Variants in LGR6 observed in about 807,000 individuals in gnomAD.
LGR6 encodes leucine rich repeat containing G protein-coupled receptor 6.
A neutral mutation model predicts 69.4 loss-of-function variants in LGR6; 45 were observed. That is an observed-to-expected ratio of 0.65 (90% CI 0.51 to 0.83). The LOEUF is 0.83. Among genes scored for constraint, LGR6 ranks in the 40% least tolerant of loss-of-function variants. The pLI, the probability that LGR6 is intolerant of heterozygous loss-of-function variation, is 0.00. For missense variants in LGR6, 1,108 were observed against 1,246.7 expected (o/e 0.89, Z 1.68); for synonymous variants, 538 against 555.0 (o/e 0.97, Z 0.43).
chr1:202,259,324 A>G (rs949204635), intron 4 of LGR6, among the ~76,000 whole-genome samples: 1 of 152,186 alleles, frequency 6.6e-6, no homozygotes, highest in African/African-American at 2.4e-5. Context: ...GGAACAATTT[A>G]TAGAGCATGA....
intron 1 of LGR6, among the ~76,000 whole-genome samples, chr1:202,197,711 A>G (rs546882377): frequency 1.1e-4 from 16 of 152,114 alleles, no homozygotes; most frequent in African/African-American, 3.6e-4. Context: ...CAATTGTCAC[A>G]CTTCTTAACT....
chr1:202,300,831 C>T lies in LGR6; in HGVS notation c.786-18C>T. The T allele has an allele frequency of 6.3e-7, 1 of 1,593,246 alleles. No individual in the cohort carries two copies. The highest frequency in any genetic ancestry group is 8.6e-7 in the Non-Finnish European group (1 of 1,168,518). Reference sequence around the variant, plus strand: ...ACCTTTCTCCAAATCCTCACTGGTTCCTGGTGTTGTCTTCCAGGGGGTTCC... The same window carrying T: ...ACCTTTCTCCAAATCCTCACTGGTTTCTGGTGTTGTCTTCCAGGGGGTTCC... On this transcript the variant is annotated intron_variant, in intron 7 of 17. Coordinates refer to ENST00000367278, the MANE Select transcript of LGR6 (RefSeq NM_001017403.2).
intron 6 of LGR6, among the ~76,000 whole-genome samples, chr1:202,285,012 GCT>G (rs970767614): frequency 5.3e-5 from 8 of 152,224 alleles, no homozygotes; most frequent in Non-Finnish European, 1.0e-4. Context: ...TCTGGCCCCA[GCT>G]CTCTCTCTAA....
chr1:202,219,058 A>G (rs572727812), intron 1 of LGR6, among the ~76,000 whole-genome samples: 1 of 152,188 alleles, frequency 6.6e-6, no homozygotes, highest in Non-Finnish European at 1.5e-5. Context: ...GCATTCGTCT[A>G]ATGGAACCAG....
intron 1 of LGR6, among the ~76,000 whole-genome samples, chr1:202,221,732 C>T (rs1653428399): frequency 6.6e-6 from 1 of 152,216 alleles, no homozygotes; most frequent in Admixed American, 6.5e-5. Flanking sequence ...CCCAGCTATC[C>T]CATCCCATGA....
At chr1:202,283,215 C>T (rs906308273) in intron 6 of LGR6, among the ~76,000 whole-genome samples, 1 of 152,138 alleles carries the variant, frequency 6.6e-6, no homozygotes, top group South Asian at 2.1e-4. Context: ...CTCAACAATA[C>T]CCCCTTCTTC....
At chr1:202,282,472 G>A (rs1005654455) in intron 6 of LGR6, among the ~76,000 whole-genome samples, 1 of 152,136 alleles carries the variant, frequency 6.6e-6, no homozygotes, top group Non-Finnish European at 1.5e-5. Context: ...CAGCTGTTTG[G>A]GGGAATCCTA....
At chr1:202,262,916 A>G (rs952581821) in intron 4 of LGR6, among the ~76,000 whole-genome samples, 15 of 150,844 alleles carry the variant, frequency 9.9e-5, no homozygotes, top group African/African-American at 3.7e-4. Context: ...TTACACTTCA[A>G]TTTGTCTTTG....
intron 1 of LGR6, among the ~76,000 whole-genome samples, chr1:202,215,366 G>A (rs185842762): frequency 6.6e-6 from 1 of 152,146 alleles, no homozygotes; most frequent in African/African-American, 2.4e-5. Context: ...GGATTTCCAT[G>A]CGAGGAGGGA....
At chr1:202,264,998 G>A (rs780384768) in intron 4 of LGR6, among the ~76,000 whole-genome samples, 1 of 152,164 alleles carries the variant, frequency 6.6e-6, no homozygotes, top group Non-Finnish European at 1.5e-5. Context: ...TTGAGAGGCT[G>A]ACAGTGAGGG....
chr1:202,266,220 A>G (rs976630278), intron 4 of LGR6, among the ~76,000 whole-genome samples: 1 of 151,850 alleles, frequency 6.6e-6, no homozygotes, highest in East Asian at 1.9e-4. Context: ...GGGGTTGGCT[A>G]CTCTGTGCCT....
At chr1:202,205,695 C>T (rs1253529920) in intron 1 of LGR6, among the ~76,000 whole-genome samples, 1 of 141,048 alleles carries the variant, frequency 7.1e-6, no homozygotes, top group Non-Finnish European at 1.6e-5. Context: ...CTCCTTCAAA[C>T]ATACACACAC....
intron 4 of LGR6, among the ~76,000 whole-genome samples, chr1:202,256,798 T>C (rs1663811087): frequency 6.6e-6 from 1 of 152,244 alleles, no homozygotes; most frequent in Non-Finnish European, 1.5e-5. Flanking sequence ...GTCAAACTCT[T>C]TTCCAAAGTG....
intron 3 of LGR6, among the ~76,000 whole-genome samples, chr1:202,231,062 G>T (rs1004529415): frequency 2.0e-5 from 3 of 152,212 alleles, no homozygotes; most frequent in Non-Finnish European, 2.9e-5. Flanking sequence ...TTAGAAGGCA[G>T]CTCCTGCTTC....
chr1:202,314,113 G>A lies in LGR6; in HGVS notation c.1568-689G>A, dbSNP rs144252198. 6.9e-4 allele frequency among the ~76,000 whole-genome samples: 105 copies of A among 152,310 alleles called. 1 individual carries two copies. Among genetic ancestry groups the A allele is most frequent in the African/African-American group, 1.7e-3 (71 of 41,556 alleles). On this transcript the variant is annotated intron_variant, in intron 16 of 17. Transcript: ENST00000367278. ...CTTACTCTTGTTAGGAAGTAGTAGA[G>A]TGTCTCCATTCGAATCATAATTTGC...
intron 1 of LGR6, among the ~76,000 whole-genome samples, chr1:202,206,464 G>A (rs1325324410): frequency 6.6e-6 from 1 of 152,200 alleles, no homozygotes; most frequent in African/African-American, 2.4e-5. Flanking sequence ...TCACAGACAT[G>A]CCACCCACAC....
chr1:202,291,818 CA>C (rs1327841820), intron 6 of LGR6, among the ~76,000 whole-genome samples: 1 of 152,162 alleles, frequency 6.6e-6, no homozygotes, highest in African/African-American at 2.4e-5. Context: ...TTAATATATG[CA>C]AATCACTAGA....
intron 1 of LGR6, among the ~76,000 whole-genome samples, chr1:202,215,251 A>G (rs1659699263): frequency 6.6e-6 from 1 of 152,158 alleles, no homozygotes. Flanking sequence ...CAAGGCTCAG[A>G]GATGTGGTCT....
At chr1:202,204,520 TCCA>T (rs200449868) in intron 1 of LGR6, among the ~76,000 whole-genome samples, 1 of 3,138 alleles carries the variant, frequency 3.2e-4, no homozygotes, top group African/African-American at 1.2e-3. Flanking sequence ...CACACACACC[TCCA>T]AACACACACA....
Sources: gnomAD v4.1 joint callset for allele counts (sites outside exome capture counted in the v4.1 genomes callset) on GRCh38, gnomAD v4.1.1 for gene constraint, MANE v1.5 for transcripts, NCBI Gene and HGNC (gene_info 2026-07-23, HGNC 2026-07-21) for gene names.